Variants in FRY observed in about 807,000 individuals in gnomAD.
The protein encoded by FRY is FRY microtubule binding protein.
Under a neutral mutation model 348.4 loss-of-function variants are expected in FRY, and 128 were observed. The observed-to-expected ratio is 0.37, with a 90% CI of 0.32 to 0.43. FRY has a LOEUF of 0.43. Among genes scored for constraint, FRY ranks in the 20% least tolerant of loss-of-function variants. The pLI is 1.00. For synonymous variants in FRY, 1,370 were observed against 1,374.7 expected, an observed-to-expected ratio of 1.00 and a Z score of 0.08; for missense variants, 2,736 against 3,695.2, an observed-to-expected ratio of 0.74 and a Z score of 6.73.
At chr13:32,263,456 C>A (rs1887772595) in intron 53 of FRY, among the ~76,000 whole-genome samples, 1 of 152,052 alleles carries the variant, frequency 6.6e-6, no homozygotes, top group African/African-American at 2.4e-5. Flanking sequence ...GTAATTATTT[C>A]TAAGATTGCC....
rs1158235313 is a variant in FRY, at chr13:32,218,905, G to T, written c.4765+74G>T. 11 of 844,230 alleles carry T rather than the reference G, an allele frequency of 1.3e-5. No homozygotes were observed. The East Asian group carries it at 2.5e-4, about 19-fold the overall frequency. The allele number at this position is 844,230 out of a possible 1,614,324, so 52.3% of individuals were successfully genotyped here. On this transcript the variant is annotated intron_variant, in intron 36 of 60. Coordinates refer to ENST00000542859, the MANE Select transcript of FRY (RefSeq NM_023037.3). ...AGGATGGAAAATGAGTGTTCTGATT[G>T]TTCTTGGTCTGATTACTAAAAGGGC...
intron 39 of FRY, among the ~76,000 whole-genome samples, chr13:32,227,442 A>T (rs977334320): frequency 6.6e-6 from 1 of 152,194 alleles, no homozygotes; most frequent in African/African-American, 2.4e-5. Context: ...CTAATTCAGT[A>T]TATCTATCAG....
chr13:32,159,492 CA>C (rs1415232462), intron 16 of FRY, among the ~76,000 whole-genome samples: 2 of 152,058 alleles, frequency 1.3e-5, no homozygotes, highest in African/African-American at 4.8e-5. Context: ...AAGAAAATAA[CA>C]AGTAAAGAAT....
chr13:32,289,106 C>G lies in FRY; in HGVS notation c.8470-527C>G, dbSNP rs76940258. On this transcript the variant is annotated intron_variant, in intron 58 of 60. Coordinates refer to ENST00000542859, the MANE Select transcript of FRY (RefSeq NM_023037.3). The stretch of plus-strand genomic sequence containing the variant: ...TTCTTTTTTTCTAAGCATTTTTGGT[C>G]CCTTTTTATCTCTCTTTAATTCAAC... Among the ~76,000 whole-genome samples the G allele has an allele frequency of 9.8e-3, 1,492 of 152,134 alleles. 27 individuals carry two copies. Among genetic ancestry groups the G allele is most frequent in the African/African-American group, 0.034 (1,418 of 41,478 alleles).
At chr13:32,272,949 T>C (rs1399976045) in intron 55 of FRY, among the ~76,000 whole-genome samples, 1 of 151,958 alleles carries the variant, frequency 6.6e-6, no homozygotes, top group South Asian at 2.1e-4. Flanking sequence ...TTTCACCATG[T>C]TGGCCAGGCA....
At chr13:32,076,717 T>G (rs1008795169) in intron 1 of FRY, among the ~76,000 whole-genome samples, 1 of 152,182 alleles carries the variant, frequency 6.6e-6, no homozygotes, top group Non-Finnish European at 1.5e-5. Context: ...AGTTAGTTAT[T>G]TAAGGAGATT....
At chr13:32,267,058 G>C (rs545773718) in intron 54 of FRY, 112 bp from the exon 55 acceptor site, 399 of 918,000 alleles carry the variant, frequency 4.3e-4, no homozygotes, top group Admixed American at 6.2e-4. Context: ...AAAAGGAAGA[G>C]TGGGTAGAAT....
chr13:32,126,105 T>A (rs1186270980), intron 7 of FRY, among the ~76,000 whole-genome samples: 1 of 152,226 alleles, frequency 6.6e-6, no homozygotes, highest in African/African-American at 2.4e-5. Context: ...AATGAAAGCA[T>A]TAGCATTTTA....
In FRY at chr13:32,127,703, C is replaced by T. The variant is rs937788662; in HGVS notation, c.716+2828C>T. ...CTGAGGCAGGAGAATCGCTTGAACC[C>T]GGGAGGCGGAGGTTGTAGTGAGCCG... On this transcript the variant is annotated intron_variant, in intron 7 of 60. Transcript: ENST00000542859. Among the ~76,000 whole-genome samples, 13 of 152,088 alleles carry T rather than the reference C, an allele frequency of 8.5e-5. No individual in the cohort carries two copies. The East Asian group carries it at 1.4e-3, about 16-fold the overall frequency.
At chr13:32,209,181 C>T in intron 32 of FRY, 72 bp downstream of exon 32, 1 of 1,544,694 alleles carries the variant, frequency 6.5e-7, no homozygotes, top group Admixed American at 1.7e-5. Context: ...TTAGTCAAAC[C>T]CCGGGGAAAA....
chr13:32,081,200 G>T (rs1360367576), intron 2 of FRY, among the ~76,000 whole-genome samples: 1 of 152,150 alleles, frequency 6.6e-6, no homozygotes, highest in African/African-American at 2.4e-5. Flanking sequence ...ATTTTTAAGT[G>T]TAAGTTCTTG....
chr13:32,251,958 T>C lies in FRY; in HGVS notation c.7245+6T>C. The C allele has an allele frequency of 6.3e-7, 1 of 1,585,976 alleles. No individual in the cohort carries two copies. Among genetic ancestry groups the C allele is most frequent in the Non-Finnish European group, 8.7e-7 (1 of 1,154,354 alleles). On this transcript the variant is annotated splice_donor_region_variant and intron_variant, in intron 50 of 60. Coordinates refer to ENST00000542859, the MANE Select transcript of FRY (RefSeq NM_023037.3). ...GATTGAGCAAAAATCCATCAGTAAG[T>C]TCTGTCATGTGTCATAGTTATTTTG...
At chr13:32,061,488 TA>T in intron 1 of FRY, among the ~76,000 whole-genome samples, 1 of 152,322 alleles carries the variant, frequency 6.6e-6, no homozygotes, top group East Asian at 1.9e-4. Context: ...TGCTGCTCTG[TA>T]AAAACAGCTA....
Position 32,267,153 on chromosome 13 carries a change from G to A in FRY, c.7947-17G>A, listed in dbSNP as rs369564541. 171 of 1,610,124 alleles carry A rather than the reference G, an allele frequency of 1.1e-4. No individual in the cohort carries two copies. Among genetic ancestry groups the A allele is most frequent in the Middle Eastern group, 4.9e-4 (3 of 6,078 alleles). On this transcript the variant is annotated splice_polypyrimidine_tract_variant and intron_variant, in intron 54 of 60. Transcript: ENST00000542859. ...AAGGACATCACTTCTTGACATAGTC[G>A]TTTTCATTTTTTCCAGCTTTGGAGA... is the stretch of plus-strand genomic sequence containing the variant.
intron 50 of FRY, 29 bp downstream of exon 50, chr13:32,251,981 T>C (rs763942959): frequency 2.7e-6 from 4 of 1,456,830 alleles, no homozygotes; most frequent in Admixed American, 3.3e-5. Context: ...CATAGTTATT[T>C]TGGTGTCATA....
In FRY at chr13:32,042,979, A is replaced by G. The variant is rs569714652; in HGVS notation, c.70+11114A>G. Among the ~76,000 whole-genome samples, 10 of 152,372 alleles carry G rather than the reference A, an allele frequency of 6.6e-5. No homozygotes were observed. The South Asian group carries it at 1.2e-3, about 19-fold the overall frequency. On this transcript the variant is annotated intron_variant, in intron 1 of 60. Transcript: ENST00000542859. ...TTAAGTAAAAACTACAATGGTATGTATTAGTCTGTTTTCACACTGCTGATA... is the reference window on the plus strand; with the variant it reads ...TTAAGTAAAAACTACAATGGTATGTGTTAGTCTGTTTTCACACTGCTGATA...
chr13:32,272,699 AG>A (rs1442750326), intron 55 of FRY, among the ~76,000 whole-genome samples: 1 of 152,098 alleles, frequency 6.6e-6, no homozygotes, highest in African/African-American at 2.4e-5. Context: ...CTAGAAGTTC[AG>A]GGGGGTAAAA....
At chr13:32,279,371 CAAGAACCAAGGAG>C (rs1888705743) in intron 58 of FRY, among the ~76,000 whole-genome samples, 1 of 152,206 alleles carries the variant, frequency 6.6e-6, no homozygotes, top group African/African-American at 2.4e-5. Context: ...CAGGCCTTTC[CAAGAACCAAGGAG>C]AGCCCATGTG....
chr13:32,231,437 T>G (rs1335331825), intron 41 of FRY, 137 bp downstream of exon 41: 1 of 846,122 alleles, frequency 1.2e-6, no homozygotes, highest in Non-Finnish European at 2.0e-6. Flanking sequence ...AGGGGAGTTC[T>G]GAAGCTTGTT....
Sources: allele counts gnomAD v4.1 joint callset (sites outside exome capture counted in the v4.1 genomes callset), GRCh38; gene constraint gnomAD v4.1.1; transcripts MANE v1.5; gene names NCBI Gene and HGNC (gene_info 2026-07-23, HGNC 2026-07-21).